RORB: variants seen among roughly 807,000 people sequenced by gnomAD.
RORB encodes RAR related orphan receptor B.
Under a neutral mutation model 59.1 loss-of-function variants are expected in RORB, and 6 were observed. The observed-to-expected ratio is 0.10, with a 90% CI of 0.06 to 0.20. The LOEUF (loss-of-function observed/expected upper bound fraction) is 0.20, where lower values mean the gene tolerates loss of function less well. Among genes scored for constraint, RORB ranks in the 10% least tolerant of loss-of-function variants. RORB has a pLI of 1.00. For synonymous variants in RORB, 215 were observed against 204.5 expected (o/e 1.05, Z -0.44); for missense variants, 320 against 560.5 (o/e 0.57, Z 4.33).
At chr9:74,606,424 T>A (rs1055920287) in intron 1 of RORB, among the ~76,000 whole-genome samples, 1 of 152,244 alleles carries the variant, frequency 6.6e-6, no homozygotes, top group Non-Finnish European at 1.5e-5. Flanking sequence ...ATTCCACATT[T>A]GTTTCTCATT....
At chr9:74,658,293 A>G (rs900708738) in intron 4 of RORB, among the ~76,000 whole-genome samples, 3 of 152,172 alleles carry the variant, frequency 2.0e-5, no homozygotes, top group African/African-American at 7.2e-5. Flanking sequence ...TCCTGAGGAC[A>G]TGGTTGGCAG....
At chr9:74,662,330 T>G (rs1327231571) in intron 5 of RORB, 144 bp from the exon 6 acceptor site, 1 of 749,288 alleles carries the variant, frequency 1.3e-6, no homozygotes, top group South Asian at 2.0e-5. Flanking sequence ...ATAAAAGTAG[T>G]GCCCTCCTTT....
intron 9 of RORB, among the ~76,000 whole-genome samples, chr9:74,682,182 C>T (rs2118575364): frequency 6.6e-6 from 1 of 151,472 alleles, no homozygotes; most frequent in East Asian, 2.0e-4. Context: ...ATCCTCACAA[C>T]CTCCCTCTGA....
rs767792100 is a variant in RORB, at chr9:74,568,003, G to A, written c.8-62279G>A. Among the ~76,000 whole-genome samples, 18 of 152,248 alleles carry A rather than the reference G, an allele frequency of 1.2e-4. 1 individual carries two copies. Among genetic ancestry groups the A allele is most frequent in the South Asian group, 6.2e-4 (3 of 4,828 alleles). ...GAGGCTTTATATGTGTTCATTAACC[G>A]CAAATCTGTAATTTAAATGGACAAA... On this transcript the variant is annotated intron_variant, in intron 1 of 9. Transcript: ENST00000376896.
intron 1 of RORB, among the ~76,000 whole-genome samples, chr9:74,565,312 C>A (rs539203795): frequency 6.6e-6 from 1 of 152,286 alleles, no homozygotes; most frequent in East Asian, 1.9e-4. Context: ...CTAGAGAGAA[C>A]CAACAGGTGG....
intron 1 of RORB, among the ~76,000 whole-genome samples, chr9:74,515,044 A>T (rs1453187049): frequency 2.0e-5 from 3 of 149,838 alleles, no homozygotes; most frequent in African/African-American, 7.4e-5. Context: ...AGGAAAGGTA[A>T]ATCAAAACCT....
At chr9:74,553,011 G>T (rs568800649) in intron 1 of RORB, among the ~76,000 whole-genome samples, 1 of 152,220 alleles carries the variant, frequency 6.6e-6, no homozygotes, top group South Asian at 2.1e-4. Flanking sequence ...CAGAAAGAAG[G>T]TCACTGTGGA....
At chr9:74,577,832 G>A (rs1822661635) in intron 1 of RORB, among the ~76,000 whole-genome samples, 1 of 152,068 alleles carries the variant, frequency 6.6e-6, no homozygotes, top group South Asian at 2.1e-4. Flanking sequence ...TGACAGATGA[G>A]TTATGGTGCC....
At chr9:74,498,074 G>A in intron 1 of RORB, 91 bp downstream of exon 1, 1 of 1,455,364 alleles carries the variant, frequency 6.9e-7, no homozygotes, top group Non-Finnish European at 9.4e-7. Context: ...CCAGCAGAAA[G>A]GGAAAGAGGT....
chr9:74,554,837 A>G (rs1224761795), intron 1 of RORB, among the ~76,000 whole-genome samples: 1 of 152,182 alleles, frequency 6.6e-6, no homozygotes, highest in African/African-American at 2.4e-5. Flanking sequence ...CACTAAAAAG[A>G]TATCTTGTCA....
intron 1 of RORB, among the ~76,000 whole-genome samples, chr9:74,552,625 T>C (rs888736126): frequency 1.2e-4 from 18 of 152,158 alleles, no homozygotes; most frequent in African/African-American, 3.6e-4. Context: ...AGGGCTTCTT[T>C]TGCTCAGTAT....
chr9:74,633,835 A>G (rs1406493683), intron 2 of RORB, among the ~76,000 whole-genome samples: 1 of 152,086 alleles, frequency 6.6e-6, no homozygotes, highest in African/African-American at 2.4e-5. Context: ...TTCAGTTTTT[A>G]CTTAGTACTT....
chr9:74,622,325 T>G (rs886714036), intron 1 of RORB, among the ~76,000 whole-genome samples: 1 of 152,092 alleles, frequency 6.6e-6, no homozygotes, highest in Non-Finnish European at 1.5e-5. Flanking sequence ...CATAACTGGA[T>G]AAAATGAGCT....
intron 1 of RORB, among the ~76,000 whole-genome samples, chr9:74,540,940 G>T (rs544023498): frequency 5.3e-5 from 8 of 152,076 alleles, no homozygotes; most frequent in African/African-American, 1.4e-4. Context: ...GTATCGTGTT[G>T]TACCCCACCA....
intron 1 of RORB, among the ~76,000 whole-genome samples, chr9:74,509,542 A>G (rs1825908049): frequency 6.6e-6 from 1 of 152,080 alleles, no homozygotes; most frequent in Non-Finnish European, 1.5e-5. Context: ...TGTGATGTGA[A>G]TGCACTCATT....
At chr9:74,638,434 T>C (rs889239492) in intron 3 of RORB, among the ~76,000 whole-genome samples, 11 of 152,216 alleles carry the variant, frequency 7.2e-5, no homozygotes, top group South Asian at 2.1e-4. Flanking sequence ...TACCACATCA[T>C]TGAATATTTA....
chr9:74,615,447 T>G (rs1823296560), intron 1 of RORB, among the ~76,000 whole-genome samples: 2 of 152,210 alleles, frequency 1.3e-5, no homozygotes, highest in East Asian at 3.8e-4. Context: ...CTTAATGAAA[T>G]GGAGCCGTTG....
chr9:74,660,806 C>A, intron 5 of RORB, 68 bp downstream of exon 5: 1 of 1,503,626 alleles, frequency 6.7e-7, no homozygotes, highest in South Asian at 1.3e-5. Context: ...AAGCTCAGCA[C>A]TATTGGCATG....
chr9:74,631,826 C>T (rs960607770), intron 2 of RORB, among the ~76,000 whole-genome samples: 3 of 152,108 alleles, frequency 2.0e-5, no homozygotes, highest in South Asian at 2.1e-4. Context: ...TTTTTCAACT[C>T]ATCAAGAATA....
Sources: allele counts gnomAD v4.1 joint callset (sites outside exome capture counted in the v4.1 genomes callset), GRCh38; gene constraint gnomAD v4.1.1; transcripts MANE v1.5; gene names NCBI Gene and HGNC (gene_info 2026-07-23, HGNC 2026-07-21).